Variants in TAF1B observed in about 807,000 individuals in gnomAD.
The protein encoded by TAF1B is TATA-box binding protein associated factor, RNA polymerase I subunit B, also known as TATA box-binding protein-associated factor RNA polymerase I subunit B.
TAF1B carries 61 observed loss-of-function variants against 83.9 expected under a neutral mutation model. The ratio of observed to expected loss-of-function variants is 0.73; its 90% CI spans 0.59 to 0.90. TAF1B has a LOEUF of 0.90. Among genes scored for constraint, TAF1B ranks in the 40% least tolerant of loss-of-function variants. TAF1B has a pLI of 0.00. For synonymous variants in TAF1B, 221 were observed against 224.6 expected (o/e 0.98, Z 0.14); for missense variants, 625 against 677.0 (o/e 0.92, Z 0.85).
chr2:9,863,270 A>C lies in TAF1B; in HGVS notation c.400-5006A>C, dbSNP rs1402228369. ...GAGGAAGATCTACCAAGCAAATGGA[A>C]AGCAAAAAAAGGCAGGGGTTGTAAT... On this transcript the variant is annotated intron_variant, in intron 5 of 14. Coordinates refer to ENST00000263663, the MANE Select transcript of TAF1B (RefSeq NM_005680.3). Among the ~76,000 whole-genome samples, 4 of 152,250 alleles carry C rather than the reference A, an allele frequency of 2.6e-5. No individual in the cohort carries two copies. The East Asian group carries it at 5.8e-4, about 22-fold the overall frequency.
chr2:9,845,242 C>A lies in TAF1B; in HGVS notation c.41C>A (p.Thr14Asn). Residue 14 changes from threonine to asparagine, a missense_variant, in exon 2 of 15, where the codon ACT becomes AAT. By Grantham distance (65) the Thr-to-Asn change is moderately conservative. Coordinates refer to ENST00000263663, the MANE Select transcript of TAF1B (RefSeq NM_005680.3). ...EEAEEFKERC[T>N]QCAAVSWGLT... is the part of the protein sequence containing the mutation. ...TAGGAAGAGTTTAAAGAACGCTGTA[C>A]TCAGTGTGCTGCTGTCTCATGGGGT... 1 of 1,613,898 alleles carries A rather than the reference C, an allele frequency of 6.2e-7. No individual in the cohort carries two copies. Among genetic ancestry groups the A allele is most frequent in the Non-Finnish European group, 8.5e-7 (1 of 1,179,836 alleles).
chr2:9,929,382 T>C (rs371850216), intron 14 of TAF1B, among the ~76,000 whole-genome samples: 12 of 152,200 alleles, frequency 7.9e-5, no homozygotes, highest in Admixed American at 5.2e-4. Context: ...ACGGTCTCAA[T>C]CTCCTGACCT....
chr2:9,933,690 T>C (rs1236282111), intron 14 of TAF1B, 93 bp from the exon 15 acceptor site: 5 of 1,038,688 alleles, frequency 4.8e-6, no homozygotes, highest in Non-Finnish European at 7.0e-6. Context: ...CCATATATAT[T>C]TGCTAAGTTA....
chr2:9,860,319 G>A (rs186309413), intron 5 of TAF1B, among the ~76,000 whole-genome samples: 2 of 152,266 alleles, frequency 1.3e-5, no homozygotes, highest in East Asian at 1.9e-4. Context: ...CATAAATTTC[G>A]AAGCTGTTAG....
chr2:9,882,436 C>T (rs566174605), intron 7 of TAF1B, among the ~76,000 whole-genome samples: 1 of 152,284 alleles, frequency 6.6e-6, no homozygotes, highest in Non-Finnish European at 1.5e-5. Context: ...GCTAGGGGTA[C>T]AAGCATGTGC....
chr2:9,915,084 A>G (rs16867238), intron 12 of TAF1B, among the ~76,000 whole-genome samples: 2,047 of 152,348 alleles, frequency 0.013, 45 homozygotes, highest in African/African-American at 0.046. Flanking sequence ...GTAAGAGGCT[A>G]CTTTGATGAC....
intron 5 of TAF1B, among the ~76,000 whole-genome samples, chr2:9,858,684 C>T (rs1282088140): frequency 1.3e-5 from 2 of 152,372 alleles, no homozygotes; most frequent in South Asian, 4.1e-4. Context: ...GTCTTCTATG[C>T]ACCCACAGGC....
At chr2:9,871,245 A>G (rs1244984222) in intron 6 of TAF1B, among the ~76,000 whole-genome samples, 1 of 151,964 alleles carries the variant, frequency 6.6e-6, no homozygotes. Flanking sequence ...ATGCCCAGCT[A>G]ATTTTTTTTT....
intron 5 of TAF1B, among the ~76,000 whole-genome samples, chr2:9,866,610 C>T (rs538822726): frequency 6.6e-6 from 1 of 152,306 alleles, no homozygotes; most frequent in Admixed American, 6.5e-5. Context: ...GATTATAAGT[C>T]ATGCTGCTAT....
chr2:9,929,321 G>A (rs2125186335), intron 14 of TAF1B, among the ~76,000 whole-genome samples: 1 of 152,224 alleles, frequency 6.6e-6, no homozygotes, highest in African/African-American at 2.4e-5. Flanking sequence ...TCCACACCTG[G>A]CTAAGTTTTT....
intron 6 of TAF1B, among the ~76,000 whole-genome samples, chr2:9,874,986 CAG>C (rs1004777932): frequency 2.7e-5 from 4 of 149,506 alleles, no homozygotes; most frequent in African/African-American, 9.9e-5. Context: ...TTTTTGGAGA[CAG>C]AGTCTTGCTC....
At chr2:9,845,985 A>T (rs1305713196) in intron 2 of TAF1B, 1 of 451,620 alleles carries the variant, frequency 2.2e-6, no homozygotes, top group Non-Finnish European at 4.6e-6. Flanking sequence ...TCTGTCTAAA[A>T]AAGAGAAAGA....
At chr2:9,932,705 A>G (rs576409404) in intron 14 of TAF1B, among the ~76,000 whole-genome samples, 2 of 152,282 alleles carry the variant, frequency 1.3e-5, no homozygotes, top group South Asian at 4.1e-4. Context: ...CTTTCTTCAG[A>G]GCTGTCAGAC....
intron 1 of TAF1B, among the ~76,000 whole-genome samples, chr2:9,844,069 G>A (rs1558609569): frequency 6.6e-6 from 1 of 152,114 alleles, no homozygotes; most frequent in Admixed American, 6.5e-5. Context: ...GTTAGTACGG[G>A]GTCACTGAAC....
rs926509558 is a variant in TAF1B, at chr2:9,914,744, C to T, written c.1271+1495C>T. Among the ~76,000 whole-genome samples, 4 of 152,136 alleles carry T rather than the reference C, an allele frequency of 2.6e-5. No individual in the cohort carries two copies. The highest frequency in any genetic ancestry group is 5.9e-5 in the Non-Finnish European group (4 of 68,016). On this transcript the variant is annotated intron_variant, in intron 12 of 14. Coordinates refer to ENST00000263663, the MANE Select transcript of TAF1B (RefSeq NM_005680.3). This position sits in a 1 kb window ranked among gnomAD's most constrained non-coding sequence, Gnocchi z 4.3. ...TACCGGGCCCCAAGGTGGAGGCTGT[C>T]GAGGGGACCCGTTTCCAAGGTCCTT...
At chr2:9,855,701 T>G (rs1663542816) in intron 5 of TAF1B, among the ~76,000 whole-genome samples, 1 of 152,042 alleles carries the variant, frequency 6.6e-6, no homozygotes, top group Non-Finnish European at 1.5e-5. Flanking sequence ...AGAAAATGCA[T>G]TTAATATACC....
intron 4 of TAF1B, 46 bp downstream of exon 4, chr2:9,851,684 A>G (rs919252006): frequency 1.1e-5 from 16 of 1,470,446 alleles, no homozygotes; most frequent in Non-Finnish European, 1.4e-5. Flanking sequence ...ATTTTTGTTT[A>G]AAGAACAGTA....
intron 8 of TAF1B, among the ~76,000 whole-genome samples, chr2:9,883,924 C>G (rs12468621): frequency 0.048 from 7,238 of 152,258 alleles, 246 homozygotes; most frequent in South Asian, 0.075. Flanking sequence ...GCTGGAAAAC[C>G]TTTGTGGCCG....
chr2:9,843,771 C>A (rs1572203997), intron 1 of TAF1B: 1 of 515,498 alleles, frequency 1.9e-6, no homozygotes, highest in Middle Eastern at 5.1e-4. Context: ...TCTGGCTCGG[C>A]GAGGTTGTGG....
Sources: gnomAD v4.1 joint callset for allele counts (sites outside exome capture counted in the v4.1 genomes callset) on GRCh38, gnomAD v4.1.1 for gene constraint, Gnocchi (gnomAD v3.1) non-coding constraint, MANE v1.5 for transcripts, NCBI Gene and HGNC (gene_info 2026-07-23, HGNC 2026-07-21) for gene names.